COL5A2: variants seen among roughly 807,000 people sequenced by gnomAD.
COL5A2 encodes collagen type V alpha 2 chain.
Under a neutral mutation model 208.2 loss-of-function variants are expected in COL5A2, and 23 were observed. The observed-to-expected ratio is 0.11, with a 90% confidence interval of 0.08 to 0.16. The LOEUF is 0.16. COL5A2 is among the 10% of genes least tolerant of loss of function. COL5A2 has a pLI of 1.00. For missense variants in COL5A2, 1,590 were observed against 1,956.4 expected (o/e 0.81, Z 3.53); for synonymous variants, 625 against 628.5 (o/e 0.99, Z 0.08).
chr2:189,134,545 C>A (rs187790878), intron 1 of COL5A2, among the ~76,000 whole-genome samples: 5 of 152,106 alleles, frequency 3.3e-5, no homozygotes, highest in Non-Finnish European at 5.9e-5. Flanking sequence ...GTCAAGATTG[C>A]GCCACTGCAC....
chr2:189,119,161 C>T (rs535020227), intron 1 of COL5A2, among the ~76,000 whole-genome samples: 5 of 151,990 alleles, frequency 3.3e-5, no homozygotes, highest in African/African-American at 1.2e-4. Flanking sequence ...AAAGTTATAT[C>T]AATAACTTTT....
the COL5A2 span, among the ~76,000 whole-genome samples, chr2:189,269,091 T>C: frequency 2.6e-5 from 4 of 152,288 alleles, no homozygotes; most frequent in East Asian, 1.9e-4. Flanking sequence ...AAATTCATCT[T>C]AGCCAATCTA....
chr2:189,136,950 T>C (rs1687838721), intron 1 of COL5A2, among the ~76,000 whole-genome samples: 1 of 152,190 alleles, frequency 6.6e-6, no homozygotes, highest in South Asian at 2.1e-4. Flanking sequence ...AAACTTTTTA[T>C]TGTCTGATAA....
intron 1 of COL5A2, among the ~76,000 whole-genome samples, chr2:189,138,667 A>T (rs1197131350): frequency 6.6e-6 from 1 of 152,138 alleles, no homozygotes; most frequent in Non-Finnish European, 1.5e-5. Context: ...GGGCCAATAA[A>T]TATACAAAAC....
At chr2:189,420,834 C>T in the COL5A2 span, among the ~76,000 whole-genome samples, 3 of 152,086 alleles carry the variant, frequency 2.0e-5, no homozygotes, top group South Asian at 2.1e-4. Context: ...CTCTTGTCCT[C>T]GCCACCTTTC....
chr2:189,180,569 A>T (rs556328496), upstream of COL5A2, among the ~76,000 whole-genome samples: 1 of 152,162 alleles, frequency 6.6e-6, no homozygotes. Context: ...ATAATTTTGT[A>T]AATGTGCATA....
chr2:189,265,930 T>C, the COL5A2 span, among the ~76,000 whole-genome samples: 236 of 152,208 alleles, frequency 1.6e-3, no homozygotes, highest in African/African-American at 5.2e-3. Flanking sequence ...AAATAGTTAA[T>C]CATAGAGTGA....
the COL5A2 span, among the ~76,000 whole-genome samples, chr2:189,293,282 C>T: frequency 1.4e-3 from 211 of 152,098 alleles, 2 homozygotes; most frequent in East Asian, 0.035. Context: ...AAAGAGCCTG[C>T]GTGCACTGTG....
the COL5A2 span, among the ~76,000 whole-genome samples, chr2:189,270,555 C>T: frequency 6.6e-5 from 10 of 152,164 alleles, no homozygotes; most frequent in African/African-American, 2.4e-4. Context: ...TTTCTTAATC[C>T]TGAGTTCTAA....
At chr2:189,242,569 C>T in the COL5A2 span, among the ~76,000 whole-genome samples, 1 of 152,194 alleles carries the variant, frequency 6.6e-6, no homozygotes, top group South Asian at 2.1e-4. Context: ...CTGCCCAAAC[C>T]CTATCCATTC....
At chr2:189,135,394 C>T (rs1054580219) in intron 1 of COL5A2, among the ~76,000 whole-genome samples, 1 of 152,134 alleles carries the variant, frequency 6.6e-6, no homozygotes, top group African/African-American at 2.4e-5. Context: ...GGGCTTTGAA[C>T]GCTCTATGAA....
At chr2:189,098,043 T>TCCCC (rs1341028709) in intron 5 of COL5A2, among the ~76,000 whole-genome samples, 1 of 151,410 alleles carries the variant, frequency 6.6e-6, no homozygotes, top group African/African-American at 2.4e-5. Context: ...TTTCCCCCCC[T>TCCCC]GGGAAATGGC....
chr2:189,434,115 G>A, the COL5A2 span, among the ~76,000 whole-genome samples: 22 of 151,796 alleles, frequency 1.4e-4, no homozygotes, highest in East Asian at 1.2e-3. Flanking sequence ...AAAGGCCTTC[G>A]AAAAAATTCA....
intron 1 of COL5A2, among the ~76,000 whole-genome samples, chr2:189,186,537 AG>A (rs1364661800): frequency 1.3e-5 from 2 of 152,164 alleles, no homozygotes; most frequent in African/African-American, 4.8e-5. Flanking sequence ...AAGGAAATTG[AG>A]GCTAATAAAA....
At chr2:189,327,301 G>T in the COL5A2 span, among the ~76,000 whole-genome samples, 1 of 151,882 alleles carries the variant, frequency 6.6e-6, no homozygotes, top group African/African-American at 2.4e-5. Flanking sequence ...TAAATGTTTT[G>T]TAATGTCTGT....
At chr2:189,329,243 G>A in the COL5A2 span, among the ~76,000 whole-genome samples, 9 of 152,154 alleles carry the variant, frequency 5.9e-5, no homozygotes, top group South Asian at 2.1e-4. Flanking sequence ...AATACTGCAC[G>A]ATCTCACTTA....
chr2:189,214,680 A>C (rs1025816771), intron 1 of COL5A2, among the ~76,000 whole-genome samples: 2 of 152,198 alleles, frequency 1.3e-5, no homozygotes, highest in Non-Finnish European at 2.9e-5. Context: ...GAGCAGTAGG[A>C]GGCCAGGTAA....
At chr2:189,360,997 G>A in the COL5A2 span, among the ~76,000 whole-genome samples, 1 of 148,808 alleles carries the variant, frequency 6.7e-6, no homozygotes, top group African/African-American at 2.5e-5. Flanking sequence ...AATTTGTTAA[G>A]AATTGTTTTG....
the COL5A2 span, among the ~76,000 whole-genome samples, chr2:189,278,984 T>C: frequency 6.6e-6 from 1 of 152,028 alleles, no homozygotes; most frequent in South Asian, 2.1e-4. Flanking sequence ...ATACCTATTA[T>C]ACTTGTTTTA....
Sources: gnomAD v4.1 joint callset for allele counts (sites outside exome capture counted in the v4.1 genomes callset) on GRCh38, gnomAD v4.1.1 for gene constraint, MANE v1.5 for transcripts, NCBI Gene and HGNC (gene_info 2026-07-23, HGNC 2026-07-21) for gene names.